The following DLG2 variants were observed in gnomAD, a reference collection of about 807,000 sequenced individuals.
DLG2 encodes discs large MAGUK scaffold protein 2, also known as disks large homolog 2.
A neutral mutation model predicts 132.5 loss-of-function variants in DLG2; 45 were observed. The ratio of observed to expected loss-of-function variants is 0.34; its 90% CI spans 0.27 to 0.44. The LOEUF (loss-of-function observed/expected upper bound fraction) is 0.44. DLG2 is among the 20% of genes least tolerant of loss of function. DLG2 has a pLI of 1.00. For synonymous variants in DLG2, 424 were observed against 419.6 expected, an observed-to-expected ratio of 1.01 and a Z score of -0.13; for missense variants, 1,045 against 1,196.9, an observed-to-expected ratio of 0.87 and a Z score of 1.87.
At chr11:84,444,782 G>A (rs1002163737) in intron 7 of DLG2, among the ~76,000 whole-genome samples, 6 of 149,738 alleles carry the variant, frequency 4.0e-5, no homozygotes, top group Admixed American at 2.7e-4. Context: ...TCTGCAAAAT[G>A]TCATGTTATT....
At chr11:83,498,553 C>G (rs192612378) in intron 21 of DLG2, among the ~76,000 whole-genome samples, 154 of 151,668 alleles carry the variant, frequency 1.0e-3, no homozygotes, top group Non-Finnish European at 2.0e-3. Flanking sequence ...GTAGCTAACA[C>G]TGTACTTAGA....
chr11:83,852,923 G>C (rs887081845), intron 16 of DLG2, among the ~76,000 whole-genome samples: 4 of 152,128 alleles, frequency 2.6e-5, no homozygotes, highest in African/African-American at 9.7e-5. Flanking sequence ...CCTGCCCTTA[G>C]AGCAGAGGTT....
chr11:85,409,653 C>T (rs943378814), intron 3 of DLG2, among the ~76,000 whole-genome samples: 1 of 151,774 alleles, frequency 6.6e-6, no homozygotes, highest in Non-Finnish European at 1.5e-5. Context: ...TTAAGGTCAT[C>T]AAGACTAATG....
intron 6 of DLG2, among the ~76,000 whole-genome samples, chr11:84,589,587 TA>T (rs1390980837): frequency 6.6e-6 from 1 of 152,176 alleles, no homozygotes; most frequent in Non-Finnish European, 1.5e-5. Flanking sequence ...AAAGAAATTT[TA>T]AAAAATGTTA....
intron 3 of DLG2, among the ~76,000 whole-genome samples, chr11:85,374,864 A>C (rs1247367079): frequency 2.0e-5 from 3 of 152,160 alleles, no homozygotes; most frequent in Non-Finnish European, 4.4e-5. Flanking sequence ...AGTGGTATTG[A>C]GGTTCTGTCA....
chr11:85,332,177 A>G (rs2081804366), intron 3 of DLG2, among the ~76,000 whole-genome samples: 1 of 152,202 alleles, frequency 6.6e-6, no homozygotes, highest in Admixed American at 6.6e-5. Context: ...TTGAGATGGT[A>G]TCTCATTGTA....
At chr11:84,098,592 T>G (rs966432681) in intron 10 of DLG2, among the ~76,000 whole-genome samples, 6 of 152,196 alleles carry the variant, frequency 3.9e-5, no homozygotes, top group Non-Finnish European at 7.3e-5. Context: ...TAGTGTATCC[T>G]TTTGATAATT....
At chr11:83,505,204 T>C (rs960843665) in intron 21 of DLG2, among the ~76,000 whole-genome samples, 1 of 152,130 alleles carries the variant, frequency 6.6e-6, no homozygotes, top group African/African-American at 2.4e-5. Context: ...GTGCAATATA[T>C]ATATAACCTG....
intron 7 of DLG2, among the ~76,000 whole-genome samples, chr11:84,309,773 C>T (rs539727899): frequency 6.6e-5 from 10 of 152,262 alleles, no homozygotes; most frequent in East Asian, 1.9e-4. Context: ...GGAGATAGAA[C>T]GTTTGTATGA....
rs1295915119 is a variant in DLG2, at chr11:84,545,057, T to C, written c.358-10326A>G. On this transcript the variant is annotated intron_variant, in intron 6 of 27. Transcript: ENST00000376104. ...CTGCCACCACTGTGCATGGCTGAGT[T>C]CACAAATCTGTTGTAACCTGTAGCT... 6.6e-6 allele frequency: 3 copies of C among 453,712 alleles called. No individual in the cohort carries two copies. The Admixed American group carries it at 7.1e-5, about 11-fold the overall frequency. 28.1% of individuals were successfully genotyped at this position (453,712 alleles called of 1,614,324 possible).
intron 19 of DLG2, among the ~76,000 whole-genome samples, chr11:83,587,745 AG>A (rs1354525862): frequency 6.6e-6 from 1 of 152,110 alleles, no homozygotes; most frequent in Non-Finnish European, 1.5e-5. Context: ...TCATCTCACT[AG>A]GAAGTGCCAG....
At chr11:84,675,820 T>A (rs182311780) in intron 6 of DLG2, among the ~76,000 whole-genome samples, 1 of 152,244 alleles carries the variant, frequency 6.6e-6, no homozygotes, top group East Asian at 1.9e-4. Context: ...TTGTCCAGGT[T>A]TCCCAACTGA....
At chr11:84,529,806 T>A (rs1334943566) in intron 7 of DLG2, among the ~76,000 whole-genome samples, 1 of 152,090 alleles carries the variant, frequency 6.6e-6, no homozygotes, top group Non-Finnish European at 1.5e-5. Flanking sequence ...AAAATTCACA[T>A]AGAACCAAAA....
chr11:84,908,662 G>C (rs1196325414), intron 6 of DLG2, among the ~76,000 whole-genome samples: 3 of 151,814 alleles, frequency 2.0e-5, no homozygotes, highest in Admixed American at 2.0e-4. Flanking sequence ...ACATTATGTT[G>C]TGGGGAAGGG....
chr11:85,160,035 T>C (rs2077905089), intron 4 of DLG2, among the ~76,000 whole-genome samples: 1 of 152,194 alleles, frequency 6.6e-6, no homozygotes, highest in South Asian at 2.1e-4. Context: ...CTCAGTAAAA[T>C]TCTTAGGTGT....
chr11:84,619,127 C>T (rs544139246), intron 6 of DLG2, among the ~76,000 whole-genome samples: 1 of 151,854 alleles, frequency 6.6e-6, no homozygotes, highest in South Asian at 2.1e-4. Flanking sequence ...ACAAAATATT[C>T]ACCACATTCT....
intron 19 of DLG2, among the ~76,000 whole-genome samples, chr11:83,608,323 A>G (rs1013425722): frequency 2.6e-5 from 4 of 152,222 alleles, no homozygotes; most frequent in African/African-American, 7.2e-5. Flanking sequence ...CTCATCTGAA[A>G]TGCTTGGGGC....
At chr11:85,252,806 A>G (rs1289184293) in intron 4 of DLG2, among the ~76,000 whole-genome samples, 1 of 152,142 alleles carries the variant, frequency 6.6e-6, no homozygotes, top group East Asian at 1.9e-4. Context: ...ACTGGCAAAA[A>G]GAGCAAAACA....
rs574237406 is a variant in DLG2, at chr11:85,426,020, C to T, written c.41-140655G>A. Reference sequence around the variant, plus strand: ...GCGCCTGATTCGGAGGGTCCTACCCCCATGGAGCCTTGTTCATTGCTAGCG... The same window carrying T: ...GCGCCTGATTCGGAGGGTCCTACCCTCATGGAGCCTTGTTCATTGCTAGCG... On this transcript the variant is annotated intron_variant, in intron 3 of 27. Transcript: ENST00000376104. Among the ~76,000 whole-genome samples the T allele has an allele frequency of 2.6e-5, 4 of 152,338 alleles. No individual in the cohort carries two copies. The South Asian group carries it at 8.3e-4, about 32-fold the overall frequency.
Sources: gnomAD v4.1 joint callset for allele counts (sites outside exome capture counted in the v4.1 genomes callset) on GRCh38, gnomAD v4.1.1 for gene constraint, MANE v1.5 for transcripts, NCBI Gene and HGNC (gene_info 2026-07-23, HGNC 2026-07-21) for gene names.